The following COQ9 variants were observed in gnomAD, a reference collection of about 807,000 sequenced individuals.
COQ9 encodes the protein coenzyme Q9.
A neutral mutation model predicts 42.4 loss-of-function variants in COQ9; 35 were observed. The ratio of observed to expected loss-of-function variants is 0.83; its 90% confidence interval spans 0.63 to 1.10. The LOEUF is 1.10. Among genes scored for constraint, COQ9 ranks in the 50% least tolerant of loss-of-function variants. The probability of loss-of-function intolerance (pLI) is 0.00; values close to 1 mark genes in which losing one functional copy is unlikely to be tolerated. For synonymous variants in COQ9, 155 were observed against 155.1 expected, an observed-to-expected ratio of 1.00 and a Z score of 0.00; for missense variants, 406 against 414.6, an observed-to-expected ratio of 0.98 and a Z score of 0.18.
chr16:57,451,097 T>C lies in COQ9; in HGVS notation c.131T>C (p.Leu44Pro). The change falls in exon 2 of 9, where the codon CTA becomes CCA. Residue 44 changes from leucine (L) to proline (P), a missense_variant. Coordinates refer to ENST00000262507, the MANE Select transcript of COQ9 (RefSeq NM_020312.4). The part of the protein sequence containing the change: ...PRAFHASAVG[L>P]RSSDEQKQQP... ...GCCTTCCATGCTTCAGCTGTGGGGCTAAGGTCTTCAGATGAGCAGAAGCAG... is the reference window on the plus strand; with the variant it reads ...GCCTTCCATGCTTCAGCTGTGGGGCCAAGGTCTTCAGATGAGCAGAAGCAG... 6.2e-7 allele frequency: 1 copy of C among 1,614,186 alleles called. No individual in the cohort carries two copies. The highest frequency in any genetic ancestry group is 1.1e-5 in the South Asian group (1 of 91,086).
rs755738156 is a variant in COQ9 at position 57,456,907 on chromosome 16, A to G, written c.522-24A>G. 3.4e-5 allele frequency: 55 copies of G among 1,598,982 alleles called. No individual in the cohort carries two copies. In the Admixed American group the frequency reaches 8.8e-4, roughly 26 times the overall value. On this transcript the variant is annotated intron_variant, in intron 4 of 8. Coordinates refer to ENST00000262507, the MANE Select transcript of COQ9 (RefSeq NM_020312.4). ...GCCCCTGCCTTTCACTCAGAGACAC[A>G]CTGTTTTCTTTTCCCTCTTCCAGGA... is the stretch of plus-strand genomic sequence containing the variant.
chr16:57,455,345 A>G (rs1391929284), intron 3 of COQ9, among the ~76,000 whole-genome samples: 1 of 126,128 alleles, frequency 7.9e-6, no homozygotes, highest in Non-Finnish European at 1.6e-5. Flanking sequence ...GACTAGAGAT[A>G]CACATTTGGG....
chr16:57,454,883 G>C (rs2030367346), intron 3 of COQ9, among the ~76,000 whole-genome samples: 2 of 152,192 alleles, frequency 1.3e-5, no homozygotes, highest in African/African-American at 4.8e-5. Context: ...AGCAAGGCTG[G>C]AAAGGTCAGT....
chr16:57,455,566 G>T (rs2030383729), intron 3 of COQ9, among the ~76,000 whole-genome samples: 2 of 151,958 alleles, frequency 1.3e-5, no homozygotes, highest in Non-Finnish European at 2.9e-5. Flanking sequence ...TCCTGATGTT[G>T]GAGGCAAAGC....
intron 6 of COQ9, 120 bp from the exon 7 acceptor site, chr16:57,459,445 C>G: frequency 5.2e-6 from 5 of 957,698 alleles, no homozygotes; most frequent in Non-Finnish European, 3.3e-6. Flanking sequence ...TCCAGAGGGC[C>G]AGATGTATCT....
chr16:57,458,409 CA>C, intron 6 of COQ9, 59 bp downstream of exon 6: 1 of 1,262,940 alleles, frequency 7.9e-7, no homozygotes, highest in Non-Finnish European at 1.1e-6. Context: ...AGCATTTCTT[CA>C]AGAAGCTTGT....
At chr16:57,450,338 C>A (rs2030254652) in intron 1 of COQ9, among the ~76,000 whole-genome samples, 1 of 148,778 alleles carries the variant, frequency 6.7e-6, no homozygotes, top group African/African-American at 2.5e-5. Flanking sequence ...TCACTTGAGC[C>A]TGGGAGGCAG....
At chr16:57,449,379 T>G (rs1354930369) in intron 1 of COQ9, among the ~76,000 whole-genome samples, 1 of 152,134 alleles carries the variant, frequency 6.6e-6, no homozygotes, top group Non-Finnish European at 1.5e-5. Flanking sequence ...TAGGCCAAGG[T>G]TGAGGCCTAG....
At position 57,456,537 on chromosome 16, in the gene COQ9, T is replaced by C. The variant is rs750482780; in HGVS notation, c.412T>C (p.Phe138Leu). ...LGLSSAAASM[F>L]GKDGSELILH... ...TCTCTCCAGTGCAGCAGCCAGCATG[T>C]TCGGGAAGGATGGCAGTGAGCTAAT... is the stretch of plus-strand genomic sequence containing the variant. The change falls in exon 4 of 9, where the codon TTC becomes CTC. Residue 138 changes from phenylalanine (F) to leucine (L), a missense_variant. Coordinates refer to ENST00000262507, the MANE Select transcript of COQ9 (RefSeq NM_020312.4). The C allele has an allele frequency of 1.2e-6, 2 of 1,614,172 alleles. No individual in the cohort carries two copies. The highest frequency in any genetic ancestry group is 4.5e-5 in the East Asian group (2 of 44,884).
At chr16:57,456,332 G>A in intron 3 of COQ9, 172 bp from the exon 4 acceptor site, 1 of 695,412 alleles carries the variant, frequency 1.4e-6, no homozygotes, top group Non-Finnish European at 2.6e-6. Context: ...CACACACCAA[G>A]GGGCTTTGCA....
At chr16:57,449,635 A>G (rs185710522) in intron 1 of COQ9, among the ~76,000 whole-genome samples, 2 of 152,236 alleles carry the variant, frequency 1.3e-5, no homozygotes, top group Admixed American at 6.5e-5. Flanking sequence ...CTTAAAATAA[A>G]TAAATATATA....
intron 3 of COQ9, chr16:57,453,811 A>G (rs542248505): frequency 1.3e-5 from 2 of 152,372 alleles, no homozygotes; most frequent in African/African-American, 2.4e-5. Flanking sequence ...AGATCATACT[A>G]TCAACATTTA....
At chr16:57,459,360 G>A (rs1476314324) in intron 6 of COQ9, among the ~76,000 whole-genome samples, 1 of 152,208 alleles carries the variant, frequency 6.6e-6, no homozygotes, top group Non-Finnish European at 1.5e-5. Flanking sequence ...CTCTTAAGAG[G>A]TTGGGCCCAG....
At chr16:57,453,249 G>C in intron 3 of COQ9, 1 of 438,256 alleles carries the variant, frequency 2.3e-6, no homozygotes, top group South Asian at 2.3e-5. Context: ...ATTTTTAAAT[G>C]CATCAGTAAA....
intron 6 of COQ9, among the ~76,000 whole-genome samples, chr16:57,459,229 G>C (rs758883984): frequency 3.9e-5 from 6 of 152,220 alleles, no homozygotes; most frequent in Non-Finnish European, 7.3e-5. Flanking sequence ...CTGGGACTCA[G>C]ATGTCTTAAG....
chr16:57,459,930 C>A, intron 7 of COQ9, 121 bp from the exon 8 acceptor site: 1 of 1,039,588 alleles, frequency 9.6e-7, no homozygotes, highest in Non-Finnish European at 1.5e-6. Context: ...GCTCTCCTTC[C>A]AGTAACGTGG....
rs560489131 is a variant in COQ9, at chr16:57,460,874, T to C, written c.*250T>C. The stretch of plus-strand genomic sequence containing the variant: ...CTGATGCCTTTCTGCACTGCAACTG[T>C]GTGATTGAAAAATGAGATGTTCATC... On this transcript the variant is annotated 3_prime_UTR_variant, in exon 9 of 9. Coordinates refer to ENST00000262507, the MANE Select transcript of COQ9 (RefSeq NM_020312.4). The C allele has an allele frequency of 2.0e-6, 1 of 510,052 alleles. No individual in the cohort carries two copies. The highest frequency in any genetic ancestry group is 2.1e-5 in the South Asian group (1 of 48,434). The allele number at this position is 510,052 out of a possible 1,614,324, so 31.6% of individuals were successfully genotyped here. A position where few individuals can be genotyped will look rare whatever the true frequency, so the allele number is the denominator to read the frequency against.
chr16:57,458,156 C>G (rs568095822), intron 5 of COQ9, 90 bp from the exon 6 acceptor site: 1 of 952,828 alleles, frequency 1.0e-6, no homozygotes, highest in African/African-American at 1.6e-5. Context: ...TTGGCAGGCC[C>G]CCTCATACAC....
At chr16:57,455,785 G>A (rs1241336746) in intron 3 of COQ9, among the ~76,000 whole-genome samples, 2 of 152,126 alleles carry the variant, frequency 1.3e-5, no homozygotes, top group Non-Finnish European at 2.9e-5. Context: ...CAAATGGGAA[G>A]AGTACAGAAA....
Sources: gnomAD v4.1 joint callset for allele counts (sites outside exome capture counted in the v4.1 genomes callset) on GRCh38, gnomAD v4.1.1 for gene constraint, MANE v1.5 for transcripts, NCBI Gene and HGNC (gene_info 2026-07-23, HGNC 2026-07-21) for gene names.